The following ZNF420 variants were observed in gnomAD, a reference collection of about 807,000 sequenced individuals.
ZNF420 encodes zinc finger protein 420.
In ZNF420, 31 loss-of-function variants were observed where a neutral mutation model predicts 44.7. That is an observed-to-expected ratio of 0.69 (90% CI 0.52 to 0.94). ZNF420 has a LOEUF of 0.94. Ranked by LOEUF, ZNF420 falls within the 40% of genes least tolerant of loss-of-function variation. The probability of loss-of-function intolerance (pLI) is 0.00; values close to 1 mark genes in which losing one functional copy is unlikely to be tolerated. For synonymous variants in ZNF420, 245 were observed against 267.4 expected (o/e 0.92, Z 0.82); for missense variants, 681 against 827.9 (o/e 0.82, Z 2.18).
chr19:37,071,539 G>A (rs1446563190), intron 1 of ZNF420, among the ~76,000 whole-genome samples: 1 of 152,132 alleles, frequency 6.6e-6, no homozygotes, highest in African/African-American at 2.4e-5. Flanking sequence ...GGTGGCTCAC[G>A]CCTGTAATCT....
At chr19:37,083,720 G>A (rs1352462809) in intron 2 of ZNF420, among the ~76,000 whole-genome samples, 1 of 152,064 alleles carries the variant, frequency 6.6e-6, no homozygotes, top group Non-Finnish European at 1.5e-5. Flanking sequence ...AGTATTCCAG[G>A]CTCATTTTGT....
chr19:37,129,771 G>T lies in ZNF420; in HGVS notation c.*713G>T, dbSNP rs1013007072. Reference sequence around the variant, plus strand: ...TTAAAAAAAAAAAAACCCAGTGGATGTAATCAGTGTATTATTGAGCACAGC... The same window carrying T: ...TTAAAAAAAAAAAAACCCAGTGGATTTAATCAGTGTATTATTGAGCACAGC... On this transcript the variant is annotated 3_prime_UTR_variant, in exon 5 of 5. Transcript: ENST00000337995. The T allele has an allele frequency of 3.5e-5, 8 of 227,284 alleles. No individual in the cohort carries two copies. The highest frequency in any genetic ancestry group is 1.0e-4 in the East Asian group (1 of 9,998). The allele number at this position is 227,284 out of a possible 1,614,324, so 14.1% of individuals were successfully genotyped here.
At chr19:37,044,731 G>A (rs1967514608) in intron 1 of ZNF420, among the ~76,000 whole-genome samples, 1 of 152,076 alleles carries the variant, frequency 6.6e-6, no homozygotes, top group Admixed American at 6.6e-5. Context: ...GCCGGGCATG[G>A]TGCTGCTTGG....
intron 1 of ZNF420, among the ~76,000 whole-genome samples, chr19:37,071,676 C>T (rs1316547846): frequency 6.6e-6 from 1 of 152,120 alleles, no homozygotes; most frequent in African/African-American, 2.4e-5. Flanking sequence ...TGGTGCGCAC[C>T]TGTAGTCCCA....
chr19:37,091,929 CAAAAAACA>C (rs1368665825), intron 4 of ZNF420: 7 of 130,626 alleles, frequency 5.4e-5, no homozygotes, highest in Non-Finnish European at 7.9e-5. Context: ...GACTCCATCT[CAAAAAACA>C]AAAAAAAAAG....
At chr19:37,055,615 G>A (rs989865365) in intron 1 of ZNF420, among the ~76,000 whole-genome samples, 12 of 152,106 alleles carry the variant, frequency 7.9e-5, no homozygotes, top group African/African-American at 2.4e-4. Flanking sequence ...TAGGCAATGC[G>A]GATGCATGAG....
At chr19:37,079,816 T>A (rs62108896) in intron 1 of ZNF420, among the ~76,000 whole-genome samples, 76,255 of 151,578 alleles carry the variant, frequency 0.5, 19,839 homozygotes, top group African/African-American at 0.58. Flanking sequence ...GGTCATGGTT[T>A]CACCATGACC....
intron 4 of ZNF420, among the ~76,000 whole-genome samples, chr19:37,097,265 T>TAACA (rs1969509311): frequency 1.3e-5 from 2 of 152,128 alleles, no homozygotes; most frequent in South Asian, 4.1e-4. Context: ...TTTTGTTCTG[T>TAACA]AACATTTTCT....
intron 4 of ZNF420, among the ~76,000 whole-genome samples, chr19:37,100,584 G>A (rs1969713859): frequency 6.6e-6 from 1 of 152,050 alleles, no homozygotes; most frequent in Admixed American, 6.6e-5. Context: ...GTGGTGGCAG[G>A]CGTCTGTCAT....
intron 1 of ZNF420, among the ~76,000 whole-genome samples, chr19:37,040,744 GC>G (rs1449334839): frequency 6.6e-6 from 1 of 152,136 alleles, no homozygotes; most frequent in Non-Finnish European, 1.5e-5. Flanking sequence ...AATTAAAGTT[GC>G]AGGGAAATGA....
rs78081540 is a variant in ZNF420 at position 37,018,031 on chromosome 19, A to C, written c.-125+9949A>C. 1.5e-3 allele frequency among the ~76,000 whole-genome samples: 229 copies of C among 152,152 alleles called. 5 individuals are homozygous for C. The East Asian group carries it at 0.023, about 15-fold the overall frequency. ...CTATACAATTACACTGAAGAACACA[A>C]AAAAAAGAGAAAACCATGCCATTCA... On this transcript the variant is annotated intron_variant, in intron 1 of 4. Transcript: ENST00000587029.
rs1172122528 is a variant in ZNF420, at chr19:37,121,216, C to T, written c.137-5912C>T. Among the ~76,000 whole-genome samples, 575 of 143,380 alleles carry T rather than the reference C, an allele frequency of 4.0e-3. 4 individuals carry two copies. The highest frequency in any genetic ancestry group is 0.012 in the East Asian group (58 of 4,856). The allele number at this position is 143,380 out of a possible 152,430, so 94.1% of individuals were successfully genotyped here. A position where few individuals can be genotyped will look rare whatever the true frequency, so the allele number is the denominator to read the frequency against. ...AGCTGGAGGCATCATGCTACCTGAC[C>T]TCAAACTATACTACAAGGCTACAGT... On this transcript the variant is annotated intron_variant, in intron 4 of 4. Coordinates refer to ENST00000337995, the MANE Select transcript of ZNF420 (RefSeq NM_144689.5).
At chr19:37,117,627 C>G (rs1378936719) in intron 4 of ZNF420, among the ~76,000 whole-genome samples, 1 of 152,068 alleles carries the variant, frequency 6.6e-6, no homozygotes, top group African/African-American at 2.4e-5. Flanking sequence ...TGGAGAATGA[C>G]TTTGATGAGT....
In ZNF420 at chr19:37,128,200, C is replaced by T. The variant is rs756099702; in HGVS notation, c.1209C>T (p.Gly403=). 1.9e-6 allele frequency: 3 copies of T among 1,614,034 alleles called. No homozygotes were observed. The highest frequency in any genetic ancestry group is 1.7e-5 in the Admixed American group (1 of 60,012). The change falls in exon 5 of 5, where the codon GGC becomes GGT. Residue 403 remains glycine (G), a synonymous_variant. Transcript: ENST00000337995. ...AATGTGGAAAGATGTTTAGTCATGG[C>T]TCACAACTTACTCAACATCAGAGAA... ...CKECGKMFSH[G]SQLTQHQRIH... is the part of the protein sequence containing the mutation.
intron 4 of ZNF420, among the ~76,000 whole-genome samples, chr19:37,125,931 A>G (rs73620813): frequency 0.02 from 2,996 of 152,024 alleles, 81 homozygotes; most frequent in East Asian, 0.05. Context: ...GGCAGGCCCT[A>G]TCCTCCAGTT....
chr19:37,114,213 A>G (rs897420754), intron 4 of ZNF420, among the ~76,000 whole-genome samples: 1 of 152,122 alleles, frequency 6.6e-6, no homozygotes, highest in African/African-American at 2.4e-5. Context: ...GTGGTGGTGT[A>G]GGATTAAATC....
At chr19:37,032,459 C>G (rs549294939) in intron 1 of ZNF420, among the ~76,000 whole-genome samples, 1 of 147,924 alleles carries the variant, frequency 6.8e-6, no homozygotes, top group Non-Finnish European at 1.5e-5. Flanking sequence ...GAGCCAAGAT[C>G]GCGCTCTGCA....
At chr19:37,072,738 G>A (rs1298969353) in intron 1 of ZNF420, among the ~76,000 whole-genome samples, 5 of 152,086 alleles carry the variant, frequency 3.3e-5, no homozygotes, top group African/African-American at 1.2e-4. Context: ...GGATTATGAT[G>A]ATCAATAGAC....
intron 4 of ZNF420, among the ~76,000 whole-genome samples, chr19:37,124,572 G>A (rs1277845531): frequency 6.6e-6 from 1 of 152,120 alleles, no homozygotes; most frequent in East Asian, 1.9e-4. Context: ...CAGTATTTGA[G>A]AATTTTTGTG....
Sources: allele counts gnomAD v4.1 joint callset (sites outside exome capture counted in the v4.1 genomes callset), GRCh38; gene constraint gnomAD v4.1.1; transcripts MANE v1.5; gene names NCBI Gene and HGNC (gene_info 2026-07-23, HGNC 2026-07-21).